Variants in HS6ST3 observed in about 807,000 individuals in gnomAD.
HS6ST3 encodes the protein heparan-sulfate 6-O-sulfotransferase 3.
Under a neutral mutation model 36.7 loss-of-function variants are expected in HS6ST3, and 12 were observed. The observed-to-expected ratio is 0.33, with a 90% CI of 0.21 to 0.53. The LOEUF (loss-of-function observed/expected upper bound fraction) is 0.53, where lower values mean the gene tolerates loss of function less well. Ranked by LOEUF, HS6ST3 falls within the 20% of genes least tolerant of loss-of-function variation. HS6ST3 has a pLI of 0.95. For synonymous variants in HS6ST3, 240 were observed against 257.5 expected, an observed-to-expected ratio of 0.93 and a Z score of 0.65; for missense variants, 584 against 640.9, an observed-to-expected ratio of 0.91 and a Z score of 0.96.
At chr13:96,117,506 T>C (rs72638024) in intron 1 of HS6ST3, among the ~76,000 whole-genome samples, 14,893 of 152,116 alleles carry the variant, frequency 0.098, 883 homozygotes, top group Middle Eastern at 0.19. Flanking sequence ...GGAAAACAAA[T>C]ATCAAGAATC....
intron 1 of HS6ST3, among the ~76,000 whole-genome samples, chr13:96,653,044 C>T (rs1041362144): frequency 6.6e-6 from 1 of 151,880 alleles, no homozygotes; most frequent in African/African-American, 2.4e-5. Context: ...TTTAATGTCA[C>T]TGCTGTTTGG....
At chr13:96,519,648 C>A (rs1194990407) in intron 1 of HS6ST3, among the ~76,000 whole-genome samples, 1 of 152,150 alleles carries the variant, frequency 6.6e-6, no homozygotes, top group East Asian at 1.9e-4. Flanking sequence ...GCTTAGGAGG[C>A]AGTATGGTGC....
At chr13:96,208,505 G>A (rs1035713839) in intron 1 of HS6ST3, among the ~76,000 whole-genome samples, 5 of 152,238 alleles carry the variant, frequency 3.3e-5, no homozygotes, top group East Asian at 1.9e-4. Context: ...CCTAATTTCC[G>A]AGGGTTCAAC....
intron 1 of HS6ST3, among the ~76,000 whole-genome samples, chr13:96,647,228 G>A (rs2056591796): frequency 6.6e-6 from 1 of 151,958 alleles, no homozygotes; most frequent in South Asian, 2.1e-4. Flanking sequence ...ACATTTATGA[G>A]AATAATGAGA....
intron 1 of HS6ST3, among the ~76,000 whole-genome samples, chr13:96,204,953 C>A (rs115741286): frequency 0.041 from 6,278 of 152,010 alleles, 209 homozygotes; most frequent in African/African-American, 0.087. Context: ...CAAACAAACT[C>A]GAAATCTAGC....
intron 1 of HS6ST3, among the ~76,000 whole-genome samples, chr13:96,092,332 C>T (rs1030909552): frequency 6.6e-6 from 1 of 152,128 alleles, no homozygotes; most frequent in Non-Finnish European, 1.5e-5. Flanking sequence ...CATAACATCC[C>T]TTGTTTTCAG....
intron 1 of HS6ST3, among the ~76,000 whole-genome samples, chr13:96,417,627 T>C (rs555508426): frequency 1.8e-4 from 27 of 148,980 alleles, no homozygotes; most frequent in Admixed American, 1.5e-3. Flanking sequence ...TGTGTGTACA[T>C]ATATATACAC....
rs539259869 is a variant in HS6ST3 at position 96,267,740 on chromosome 13, A to T, written c.707+176171A>T. ...CATTAGCAAGATGGTTCCCACTAGG[A>T]TGAGAAATTGTGTGAAACTGATAAG... On this transcript the variant is annotated intron_variant, in intron 1 of 1. Coordinates refer to ENST00000376705, the MANE Select transcript of HS6ST3 (RefSeq NM_153456.4). Among the ~76,000 whole-genome samples the T allele has an allele frequency of 1.1e-4, 16 of 152,172 alleles. No individual in the cohort carries two copies. The East Asian group carries it at 1.2e-3, about 11-fold the overall frequency.
At chr13:96,225,670 A>T (rs571507849) in intron 1 of HS6ST3, among the ~76,000 whole-genome samples, 1 of 152,246 alleles carries the variant, frequency 6.6e-6, no homozygotes, top group African/African-American at 2.4e-5. Context: ...AATAAATGAT[A>T]CATTTACAAA....
At chr13:96,255,306 T>A (rs977598429) in intron 1 of HS6ST3, among the ~76,000 whole-genome samples, 11 of 152,154 alleles carry the variant, frequency 7.2e-5, no homozygotes, top group African/African-American at 2.7e-4. Context: ...AGGATAGCAG[T>A]CATGTACAAA....
At chr13:96,658,928 G>T (rs36089682) in intron 1 of HS6ST3, among the ~76,000 whole-genome samples, 10 of 151,262 alleles carry the variant, frequency 6.6e-5, no homozygotes, top group African/African-American at 2.4e-4. Flanking sequence ...GGTTGGTATC[G>T]AACTCCTGAC....
At chr13:96,241,601 G>A (rs981642248) in intron 1 of HS6ST3, among the ~76,000 whole-genome samples, 6 of 150,748 alleles carry the variant, frequency 4.0e-5, no homozygotes, top group Admixed American at 3.3e-4. Context: ...ATGGTCCCAG[G>A]AGATTCAATA....
At chr13:96,547,737 G>A (rs1412350468) in intron 1 of HS6ST3, among the ~76,000 whole-genome samples, 1 of 152,084 alleles carries the variant, frequency 6.6e-6, no homozygotes, top group Non-Finnish European at 1.5e-5. Flanking sequence ...TTGGAGTTTG[G>A]CCGGCGTATC....
chr13:96,662,081 G>A (rs899309388), intron 1 of HS6ST3, among the ~76,000 whole-genome samples: 1 of 152,084 alleles, frequency 6.6e-6, no homozygotes, highest in African/African-American at 2.4e-5. Flanking sequence ...CCTTGGTGAT[G>A]TGCATCTTGC....
In HS6ST3 at chr13:96,457,860, T is replaced by C. The variant is rs182135407; in HGVS notation, c.707+366291T>C. 3.5e-3 allele frequency among the ~76,000 whole-genome samples: 529 copies of C among 152,268 alleles called. 3 individuals carry two copies. Among genetic ancestry groups the C allele is most frequent in the African/African-American group, 0.012 (512 of 41,558 alleles). Reference sequence around the variant, plus strand: ...TTTTTTCCAAGAAAACTTGTTTTCCTTTTTCTTCTTTTTTTACAATCATGT... The same window carrying C: ...TTTTTTCCAAGAAAACTTGTTTTCCCTTTTCTTCTTTTTTTACAATCATGT... On this transcript the variant is annotated intron_variant, in intron 1 of 1. Transcript: ENST00000376705.
intron 1 of HS6ST3, among the ~76,000 whole-genome samples, chr13:96,549,949 T>TTG (rs775158790): frequency 6.6e-6 from 1 of 152,200 alleles, no homozygotes; most frequent in Non-Finnish European, 1.5e-5. Context: ...GTACATTCTT[T>TTG]TGTCATCTCC....
At chr13:96,164,122 G>A (rs6492835) in intron 1 of HS6ST3, among the ~76,000 whole-genome samples, 60,165 of 151,826 alleles carry the variant, frequency 0.4, 12,253 homozygotes, top group Middle Eastern at 0.48. Flanking sequence ...TAGGGTTTCT[G>A]CTCAAGCTTA....
intron 1 of HS6ST3, among the ~76,000 whole-genome samples, chr13:96,331,137 C>T (rs1227924521): frequency 1.3e-5 from 2 of 152,120 alleles, no homozygotes; most frequent in Non-Finnish European, 2.9e-5. Context: ...AATGTCCTCC[C>T]GTAGCTCAGA....
intron 1 of HS6ST3, among the ~76,000 whole-genome samples, chr13:96,284,750 G>A (rs1181818102): frequency 2.3e-5 from 1 of 43,444 alleles, no homozygotes; most frequent in Non-Finnish European, 3.9e-5. Flanking sequence ...ATACTGGTCT[G>A]CTTGCTTGCT....
Sources: allele counts gnomAD v4.1 joint callset (sites outside exome capture counted in the v4.1 genomes callset), GRCh38; gene constraint gnomAD v4.1.1; transcripts MANE v1.5; gene names NCBI Gene and HGNC (gene_info 2026-07-23, HGNC 2026-07-21).